TMEM131: variants seen among roughly 807,000 people sequenced by gnomAD.
The protein encoded by TMEM131 is transmembrane protein 131, also known as 2610524E03Rik.
A neutral mutation model predicts 211.6 loss-of-function variants in TMEM131; 66 were observed. That is an observed-to-expected ratio of 0.31 (90% CI 0.26 to 0.38). The LOEUF is 0.38. Ranked by LOEUF, TMEM131 falls within the 10% of genes least tolerant of loss-of-function variation. The pLI is 1.00. For missense variants in TMEM131, 2,036 were observed against 2,299.3 expected (o/e 0.89, Z 2.34); for synonymous variants, 844 against 841.3 (o/e 1.00, Z -0.06).
chr2:97,891,944 A>G (rs568829651), intron 3 of TMEM131, among the ~76,000 whole-genome samples: 3 of 152,278 alleles, frequency 2.0e-5, no homozygotes, highest in East Asian at 1.9e-4. Flanking sequence ...ACAGCCACAA[A>G]TAAGAGGTGG....
intron 33 of TMEM131, among the ~76,000 whole-genome samples, chr2:97,769,944 G>C (rs1679387971): frequency 6.6e-6 from 1 of 152,186 alleles, no homozygotes. Context: ...TCAACTCTTG[G>C]GAGTGTGGAT....
At chr2:97,777,218 A>C (rs1344518098) in intron 31 of TMEM131, among the ~76,000 whole-genome samples, 1 of 152,244 alleles carries the variant, frequency 6.6e-6, no homozygotes, top group Non-Finnish European at 1.5e-5. Context: ...AGGCAGGTGC[A>C]AGCTGCAGAA....
At chr2:97,923,627 T>TA (rs1559450353) in intron 2 of TMEM131, among the ~76,000 whole-genome samples, 56 of 99,674 alleles carry the variant, frequency 5.6e-4, no homozygotes, top group African/African-American at 1.9e-3. Flanking sequence ...GTCTTTTTTT[T>TA]TAAAAAAAAA....
rs1678481420 is a variant in TMEM131 at position 97,756,381 on chromosome 2, A to AT, written c.*717dup. On this transcript the variant is annotated 3_prime_UTR_variant, in exon 41 of 41. Transcript: ENST00000186436. ...ATTTCAAAGTACAACACAAAGTTGT[A>AT]TTTTTAAGAAATACACATTCAATCT... 1 of 152,222 alleles carries AT rather than the reference A, an allele frequency of 6.6e-6. No homozygotes were observed. Among genetic ancestry groups the AT allele is most frequent in the Non-Finnish European group, 1.5e-5 (1 of 68,026 alleles). 9.4% of individuals were successfully genotyped at this position (152,222 alleles called of 1,614,324 possible). A position where few individuals can be genotyped will look rare whatever the true frequency, so the allele number is the denominator to read the frequency against.
Position 97,772,300 on chromosome 2 carries a change from G to C in TMEM131, c.4445C>G (p.Pro1482Arg). Reference sequence around the variant, plus strand: ...TCTGTACACTTATTTCTCTCACCTGGGTTTCACATCTGTTGGGATTTCTTT... The same window carrying C: ...TCTGTACACTTATTTCTCTCACCTGCGTTTCACATCTGTTGGGATTTCTTT... ...IKKEIPTDVK[P>R]SSLELPYTPP... Residue 1482 changes from proline to arginine, a missense_variant, in exon 33 of 41, where the codon CCC becomes CGC. Transcript: ENST00000186436. 1 of 1,599,252 alleles carries C rather than the reference G, an allele frequency of 6.3e-7. No individual in the cohort carries two copies.
At chr2:97,874,518 C>T (rs1052133408) in intron 4 of TMEM131, among the ~76,000 whole-genome samples, 4 of 152,198 alleles carry the variant, frequency 2.6e-5, no homozygotes, top group South Asian at 2.1e-4. Flanking sequence ...AGACTAACAG[C>T]GGATCTCTCT....
chr2:97,880,470 A>G (rs1674880032), intron 4 of TMEM131, among the ~76,000 whole-genome samples: 2 of 152,138 alleles, frequency 1.3e-5, no homozygotes, highest in African/African-American at 4.8e-5. Flanking sequence ...CTGAGTTAAG[A>G]GGAGAGGGGT....
intron 1 of TMEM131, among the ~76,000 whole-genome samples, chr2:97,979,369 C>T (rs957003291): frequency 2.0e-5 from 3 of 152,218 alleles, no homozygotes; most frequent in Admixed American, 6.5e-5. Context: ...CTTCTCCTCT[C>T]TAGCTATGAG....
At chr2:97,766,017 G>C in intron 35 of TMEM131, 97 bp downstream of exon 35, 1 of 1,474,688 alleles carries the variant, frequency 6.8e-7, no homozygotes, top group Non-Finnish European at 9.2e-7. Flanking sequence ...CTGTCAATGG[G>C]TATTTTAAAG....
chr2:97,866,339 A>T (rs1250265545), intron 4 of TMEM131, among the ~76,000 whole-genome samples: 1 of 152,252 alleles, frequency 6.6e-6, no homozygotes, highest in Non-Finnish European at 1.5e-5. Flanking sequence ...AGTTGTTCAT[A>T]AAATTGCCCT....
chr2:97,880,439 C>T (rs1674879320), intron 4 of TMEM131, among the ~76,000 whole-genome samples: 1 of 152,070 alleles, frequency 6.6e-6, no homozygotes, highest in South Asian at 2.1e-4. Flanking sequence ...GGTAACAGTC[C>T]AGATGAGAAA....
At chr2:97,911,966 G>A (rs1373784509) in intron 2 of TMEM131, among the ~76,000 whole-genome samples, 1 of 151,946 alleles carries the variant, frequency 6.6e-6, no homozygotes, top group African/African-American at 2.4e-5. Flanking sequence ...AAAAGCAGAT[G>A]GAAAAGATTA....
At chr2:97,778,943 A>C (rs1442743202) in intron 31 of TMEM131, among the ~76,000 whole-genome samples, 1 of 152,234 alleles carries the variant, frequency 6.6e-6, no homozygotes, top group Non-Finnish European at 1.5e-5. Flanking sequence ...CAAATGTCCA[A>C]AACTGAGTTA....
At chr2:97,857,215 C>T (rs1673884547) in intron 5 of TMEM131, among the ~76,000 whole-genome samples, 1 of 152,150 alleles carries the variant, frequency 6.6e-6, no homozygotes, top group Non-Finnish European at 1.5e-5. Flanking sequence ...TCTGACTCTT[C>T]TTGGGAATCA....
At chr2:97,908,760 T>C (rs1053522547) in intron 2 of TMEM131, 62 bp from the exon 3 acceptor site, 9 of 1,361,830 alleles carry the variant, frequency 6.6e-6, no homozygotes, top group African/African-American at 2.9e-5. Flanking sequence ...TACAGACATA[T>C]GGAATATCCA....
intron 3 of TMEM131, among the ~76,000 whole-genome samples, chr2:97,901,331 T>C (rs535348717): frequency 6.6e-6 from 1 of 152,296 alleles, no homozygotes; most frequent in African/African-American, 2.4e-5. Flanking sequence ...TTTCTTCAAG[T>C]AGTTTTATAG....
chr2:97,838,426 C>CTTTTTTTTTTTTTTTTTTTTTTTTTT (rs753635047), intron 7 of TMEM131, among the ~76,000 whole-genome samples: 1 of 89,094 alleles, frequency 1.1e-5, no homozygotes, highest in African/African-American at 4.3e-5. Context: ...TAAGCTTAAA[C>CTTTTTTTTTTTTTTTTTTTTTTTTTT]TTTTTTTTTT....
chr2:97,757,475 GGCAC>G, intron 40 of TMEM131, 92 bp from the exon 41 acceptor site: 1 of 1,354,972 alleles, frequency 7.4e-7, no homozygotes, highest in Non-Finnish European at 1.0e-6. Flanking sequence ...ATGAGGCTGG[GGCAC>G]GCATTCCTCT....
intron 2 of TMEM131, among the ~76,000 whole-genome samples, chr2:97,909,243 A>G (rs893871244): frequency 1.3e-5 from 2 of 152,180 alleles, no homozygotes; most frequent in African/African-American, 4.8e-5. Flanking sequence ...TAAAAAAAGC[A>G]GTGTGGCAGT....
Sources: gnomAD v4.1 joint callset for allele counts (sites outside exome capture counted in the v4.1 genomes callset) on GRCh38, gnomAD v4.1.1 for gene constraint, MANE v1.5 for transcripts, NCBI Gene and HGNC (gene_info 2026-07-23, HGNC 2026-07-21) for gene names.